Variants in UGCG observed in about 807,000 individuals in gnomAD.
UGCG encodes the protein UDP-glucose ceramide glucosyltransferase.
Under a neutral mutation model 49.5 loss-of-function variants are expected in UGCG, and 10 were observed. The ratio of observed to expected loss-of-function variants is 0.20; its 90% CI spans 0.12 to 0.34. The LOEUF (loss-of-function observed/expected upper bound fraction) is 0.34, where lower values mean the gene tolerates loss of function less well. Among genes scored for constraint, UGCG ranks in the 10% least tolerant of loss-of-function variants. The pLI is 1.00. For missense variants in UGCG, 312 were observed against 483.7 expected (o/e 0.65, Z 3.33); for synonymous variants, 182 against 158.2 (o/e 1.15, Z -1.13).
chr9:111,927,642 A>G (rs1717131141), intron 5 of UGCG, among the ~76,000 whole-genome samples: 3 of 151,974 alleles, frequency 2.0e-5, no homozygotes, highest in Admixed American at 6.6e-5. Context: ...TGATAGAGAC[A>G]GGTTTTCACC....
chr9:111,903,912 G>C (rs1837825989), intron 1 of UGCG, among the ~76,000 whole-genome samples: 1 of 152,096 alleles, frequency 6.6e-6, no homozygotes, highest in African/African-American at 2.4e-5. Context: ...TTCTAGACCT[G>C]TGGTTGTCAA....
intron 1 of UGCG, among the ~76,000 whole-genome samples, chr9:111,897,964 C>G (rs1464046142): frequency 1.4e-5 from 2 of 147,996 alleles, no homozygotes; most frequent in East Asian, 3.9e-4. Context: ...CACATCTTTT[C>G]ATTTTTGTTT....
At position 111,926,861 on chromosome 9, in the gene UGCG, C is replaced by CTT. The variant is rs56298523; in HGVS notation, c.558+393_558+394dup. ...GAACCGCTGGCCCCCTCCCCCCAGC[C>CTT]TTTTTTTTTTTTTTTTTTTTTTTTT... On this transcript the variant is annotated intron_variant, in intron 5 of 8. Coordinates refer to ENST00000374279, the MANE Select transcript of UGCG (RefSeq NM_003358.3). Among the ~76,000 whole-genome samples, 183 of 56,878 alleles carry CTT rather than the reference C, an allele frequency of 3.2e-3. 58 individuals are homozygous for CTT. Among genetic ancestry groups the CTT allele is most frequent in the Non-Finnish European group, 4.4e-3 (121 of 27,520 alleles). 37.3% of individuals were successfully genotyped at this position (56,878 alleles called of 152,430 possible).
intron 3 of UGCG, among the ~76,000 whole-genome samples, chr9:111,924,555 T>C (rs1156491322): frequency 3.9e-5 from 6 of 152,144 alleles, no homozygotes; most frequent in Non-Finnish European, 7.4e-5. Context: ...TTAGAAAAAG[T>C]GAAACAGTGA....
At chr9:111,907,948 T>C (rs962036555) in intron 1 of UGCG, among the ~76,000 whole-genome samples, 2 of 152,172 alleles carry the variant, frequency 1.3e-5, no homozygotes, top group African/African-American at 4.8e-5. Flanking sequence ...TTCTGTGTCA[T>C]AGGAATCACT....
At chr9:111,900,837 T>C (rs996510476) in intron 1 of UGCG, among the ~76,000 whole-genome samples, 2 of 152,174 alleles carry the variant, frequency 1.3e-5, no homozygotes, top group African/African-American at 4.8e-5. Flanking sequence ...TTCTGCTTTC[T>C]ACAAACGTAT....
chr9:111,911,913 T>C (rs1396862225), intron 1 of UGCG, among the ~76,000 whole-genome samples: 7 of 4,668 alleles, frequency 1.5e-3, no homozygotes, highest in African/African-American at 3.7e-3. Flanking sequence ...AGGATATATA[T>C]ATATATATAT....
intron 1 of UGCG, among the ~76,000 whole-genome samples, chr9:111,905,164 A>C (rs1386849153): frequency 1.3e-5 from 2 of 152,098 alleles, no homozygotes; most frequent in African/African-American, 2.4e-5. Flanking sequence ...CTGTTATCAC[A>C]TTTCAACTCC....
At chr9:111,904,467 G>A (rs1407532544) in intron 1 of UGCG, among the ~76,000 whole-genome samples, 1 of 152,050 alleles carries the variant, frequency 6.6e-6, no homozygotes, top group Non-Finnish European at 1.5e-5. Flanking sequence ...ACTTCATACT[G>A]TGGATCCCAT....
Position 111,924,177 on chromosome 9 carries a change from C to T in UGCG, c.344-600C>T, listed in dbSNP as rs12002392. Among the ~76,000 whole-genome samples, 755 of 152,140 alleles carry T rather than the reference C, an allele frequency of 5.0e-3. 6 individuals are homozygous for T. The highest frequency in any genetic ancestry group is 0.017 in the African/African-American group (721 of 41,502). ...TGTTTTAATTATAGCTTCAAAATAACGCCTGTAGCTTTTTCCCTTAGGATT... is the reference window on the plus strand; with the variant it reads ...TGTTTTAATTATAGCTTCAAAATAATGCCTGTAGCTTTTTCCCTTAGGATT... On this transcript the variant is annotated intron_variant, in intron 3 of 8. Transcript: ENST00000374279.
chr9:111,919,830 G>T (rs924097889), intron 2 of UGCG, among the ~76,000 whole-genome samples: 3 of 151,290 alleles, frequency 2.0e-5, no homozygotes, highest in Non-Finnish European at 2.9e-5. Context: ...TGCTATGTTT[G>T]GAAAAACAAG....
In UGCG at chr9:111,929,980, A is replaced by G. The variant is rs140466612; in HGVS notation, c.737+302A>G. 2.4e-4 allele frequency among the ~76,000 whole-genome samples: 36 copies of G among 152,104 alleles called. No homozygotes were observed. The East Asian group carries it at 6.8e-3, about 29-fold the overall frequency. On this transcript the variant is annotated intron_variant, in intron 6 of 8. Transcript: ENST00000374279. ...ACTACAGGCATGTACCACCATGCAC[A>G]CTAATTTTTGTATTTTTAGTAGAGA...
chr9:111,912,990 AC>A (rs1217550260), intron 1 of UGCG, among the ~76,000 whole-genome samples: 5 of 152,188 alleles, frequency 3.3e-5, no homozygotes, highest in African/African-American at 4.8e-5. Flanking sequence ...TTAGTTAGAG[AC>A]CAAGCCCATG....
At chr9:111,932,036 ACAAAAC>A in intron 7 of UGCG, 128 bp from the exon 8 acceptor site, 19 of 919,008 alleles carry the variant, frequency 2.1e-5, no homozygotes, top group Non-Finnish European at 2.4e-5. Context: ...AAAAAAAAAA[ACAAAAC>A]AAAAAAAGTT....
At chr9:111,898,131 T>G (rs1330647411) in intron 1 of UGCG, among the ~76,000 whole-genome samples, 2 of 151,322 alleles carry the variant, frequency 1.3e-5, no homozygotes, top group African/African-American at 4.9e-5. Context: ...TGACGAAGCG[T>G]GTAAGTAAAA....
intron 3 of UGCG, 32 bp downstream of exon 3, chr9:111,922,983 C>T: frequency 7.2e-7 from 1 of 1,391,210 alleles, no homozygotes; most frequent in Non-Finnish European, 1.0e-6. Context: ...AACCATTTTC[C>T]ATTGATAGTA....
chr9:111,933,088 T>C lies in UGCG; in HGVS notation c.*91T>C, dbSNP rs1431213914. ...CTTTTAAAAATCTACCTTCTGTAGTTTTATCACATGTATGTTTTGGTATCT... is the reference window on the plus strand; with the variant it reads ...CTTTTAAAAATCTACCTTCTGTAGTCTTATCACATGTATGTTTTGGTATCT... On this transcript the variant is annotated 3_prime_UTR_variant, in exon 9 of 9. Transcript: ENST00000374279. 8.4e-7 allele frequency: 1 copy of C among 1,187,972 alleles called. No individual in the cohort carries two copies. Among genetic ancestry groups the C allele is most frequent in the Non-Finnish European group, 1.1e-6 (1 of 927,072 alleles). The allele number at this position is 1,187,972 out of a possible 1,614,324, so 73.6% of individuals were successfully genotyped here.
chr9:111,915,954 T>G, intron 2 of UGCG: 4 of 284,036 alleles, frequency 1.4e-5, no homozygotes, highest in Non-Finnish European at 2.1e-5. Flanking sequence ...AGCAAAAAAA[T>G]TATATGTTCT....
chr9:111,918,979 C>A (rs146049464), intron 2 of UGCG, among the ~76,000 whole-genome samples: 4 of 151,522 alleles, frequency 2.6e-5, no homozygotes, highest in African/African-American at 9.7e-5. Flanking sequence ...AACCTTGCAT[C>A]TGAATAAAGG....
Sources: allele counts gnomAD v4.1 joint callset (sites outside exome capture counted in the v4.1 genomes callset), GRCh38; gene constraint gnomAD v4.1.1; transcripts MANE v1.5; gene names NCBI Gene and HGNC (gene_info 2026-07-23, HGNC 2026-07-21).